The following ITGAM variants were observed in gnomAD, a reference collection of about 807,000 sequenced individuals.
The protein encoded by ITGAM is integrin subunit alpha M.
In ITGAM, 79 loss-of-function variants were observed where a neutral mutation model predicts 137.5. The ratio of observed to expected loss-of-function variants is 0.57; its 90% CI spans 0.48 to 0.69. The LOEUF is 0.69. Among genes scored for constraint, ITGAM ranks in the 30% least tolerant of loss-of-function variants. The pLI is 0.00. For synonymous variants in ITGAM, 583 were observed against 592.3 expected (o/e 0.98, Z 0.23); for missense variants, 1,343 against 1,483.5 (o/e 0.91, Z 1.56).
At chr16:31,312,988 G>C (rs2080351612) in intron 14 of ITGAM, among the ~76,000 whole-genome samples, 1 of 151,908 alleles carries the variant, frequency 6.6e-6, no homozygotes, top group South Asian at 2.1e-4. Flanking sequence ...GGGAGGCCGA[G>C]GCGGGCGGAT....
Position 31,275,637 on chromosome 16 carries a change from A to T in ITGAM, c.947A>T (p.Asn316Ile). 2 of 1,613,910 alleles carry T rather than the reference A, an allele frequency of 1.2e-6. No homozygotes were observed. The highest frequency in any genetic ancestry group is 4.5e-5 in the East Asian group (2 of 44,864). The change falls in exon 9 of 30, where the codon AAT (asparagine) becomes ATT (isoleucine). Residue 316 changes from asparagine to isoleucine, a missense_variant. Physicochemically the swap from Asn to Ile is moderately radical, Grantham distance 149. Transcript: ENST00000544665. ...CCTCGTGATCACGTGTTCCAGGTGA[A>T]TAACTTTGAGGCTCTGAAGACCATT... ...KPPRDHVFQV[N>I]NFEALKTIQN...
chr16:31,321,408 C>A, intron 15 of ITGAM, 37 bp downstream of exon 15: 1 of 1,613,686 alleles, frequency 6.2e-7, no homozygotes, highest in Non-Finnish European at 8.5e-7. Flanking sequence ...GACATTCTCC[C>A]TTGAAGGAAT....
At position 31,321,584 on chromosome 16, in the gene ITGAM, C is replaced by T; in HGVS notation, c.1959C>T (p.Val653=). ...GCAAGGAAGCCGGAGAGGTCAGAGT[C>T]TGCCTCCATGTCCAGAAGAGCACAC... ...VKGKEAGEVR[V]CLHVQKSTRD... Residue 653 remains valine, a synonymous_variant, in exon 16 of 30, where the codon GTC becomes GTT. Coordinates refer to ENST00000544665, the MANE Select transcript of ITGAM (RefSeq NM_000632.4). 1.9e-6 allele frequency: 3 copies of T among 1,613,978 alleles called. No homozygotes were observed. In the South Asian group the frequency reaches 3.3e-5, roughly 18 times the overall value.
chr16:31,290,347 G>T (rs1239376346), intron 12 of ITGAM, among the ~76,000 whole-genome samples: 1 of 152,106 alleles, frequency 6.6e-6, no homozygotes, highest in Non-Finnish European at 1.5e-5. Flanking sequence ...ACAACATTGT[G>T]AAGGTACTAA....
chr16:31,272,445 A>T (rs1301809085), intron 7 of ITGAM, among the ~76,000 whole-genome samples: 2 of 11,790 alleles, frequency 1.7e-4, no homozygotes, highest in Admixed American at 1.5e-3. Flanking sequence ...ATATATATAT[A>T]TATATATATA....
intron 14 of ITGAM, among the ~76,000 whole-genome samples, chr16:31,302,917 CCTCTTTCTTTCTTTCTTTCT>C: frequency 1.6e-5 from 2 of 126,548 alleles, no homozygotes; most frequent in African/African-American, 5.9e-5. Context: ...TCTTTCCCTC[CCTCTTTCTTTCTTTCTTTCT>C]TTCTTTCTTT....
intron 14 of ITGAM, 116 bp from the exon 15 acceptor site, chr16:31,321,125 G>T (rs991966627): frequency 1.7e-6 from 2 of 1,162,574 alleles, no homozygotes; most frequent in Non-Finnish European, 2.5e-6. Flanking sequence ...AGTTGCAAGA[G>T]ATGAGACTTG....
intron 14 of ITGAM, among the ~76,000 whole-genome samples, chr16:31,318,194 T>A (rs1241299377): frequency 6.6e-6 from 1 of 152,214 alleles, no homozygotes; most frequent in Admixed American, 6.5e-5. Flanking sequence ...GTTATCAAGT[T>A]TGTTAACATA....
At chr16:31,269,878 T>A (rs2079809370) in intron 5 of ITGAM, among the ~76,000 whole-genome samples, 1 of 152,128 alleles carries the variant, frequency 6.6e-6, no homozygotes. Context: ...CCTCTAGTCT[T>A]CTGTTGAGCC....
rs749690208 is a variant in ITGAM at position 31,265,402 on chromosome 16, G to A, written c.142G>A (p.Val48Ile). 7.5e-6 allele frequency: 12 copies of A among 1,598,006 alleles called. No homozygotes were observed. In the South Asian group the frequency reaches 1.4e-4, roughly 18 times the overall value. The change falls in exon 3 of 30, where the codon GTT becomes ATT. Residue 48 changes from valine to isoleucine, a missense_variant. Transcript: ENST00000544665. ...TCCCACTTCTCCCCACAGGGTGGTG[G>A]TTGGAGCCCCCCAGGAGATAGTGGC... ...VVQLQGSRVV[V>I]GAPQEIVAAN...
chr16:31,305,186 A>C (rs988193196), intron 14 of ITGAM, among the ~76,000 whole-genome samples: 1 of 152,066 alleles, frequency 6.6e-6, no homozygotes, highest in African/African-American at 2.4e-5. Context: ...TTGGTTAACT[A>C]TATTCCTAGG....
At chr16:31,289,747 A>T (rs1028873140) in intron 12 of ITGAM, among the ~76,000 whole-genome samples, 1 of 152,184 alleles carries the variant, frequency 6.6e-6, no homozygotes, top group African/African-American at 2.4e-5. Context: ...CTAGAACTTA[A>T]AGTATAATAA....
intron 12 of ITGAM, among the ~76,000 whole-genome samples, chr16:31,282,897 C>G (rs1019641640): frequency 6.6e-6 from 1 of 152,156 alleles, no homozygotes; most frequent in African/African-American, 2.4e-5. Flanking sequence ...TTCAGGAGCT[C>G]TTTTAGGGCA....
At position 31,297,660 on chromosome 16, in the gene ITGAM, T is replaced by C. The variant is rs1457321851; in HGVS notation, c.1497+6T>C. 6.2e-7 allele frequency: 1 copy of C among 1,610,892 alleles called. No homozygotes were observed. The highest frequency in any genetic ancestry group is 2.2e-5 in the East Asian group (1 of 44,776). On this transcript the variant is annotated splice_donor_region_variant and intron_variant, in intron 13 of 29. Coordinates refer to ENST00000544665, the MANE Select transcript of ITGAM (RefSeq NM_000632.4). ...TGTGCCCCTTGCCCAGGGGGGTGAG[T>C]GGCAATGGGACCTGGGCTGGGTGGG...
rs769119316 is a variant in ITGAM at position 31,277,069 on chromosome 16, G to C, written c.1213+20G>C. Reference sequence around the variant, plus strand: ...ACTTGGGTAAGTGGGGAGGGCAAGGGTTACTCTAAGAAGGGGTGAGGATTT... The same window carrying C: ...ACTTGGGTAAGTGGGGAGGGCAAGGCTTACTCTAAGAAGGGGTGAGGATTT... On this transcript the variant is annotated intron_variant, in intron 11 of 29. Coordinates refer to ENST00000544665, the MANE Select transcript of ITGAM (RefSeq NM_000632.4). 26 of 1,597,696 alleles carry C rather than the reference G, an allele frequency of 1.6e-5. No individual in the cohort carries two copies. In the South Asian group the frequency reaches 2.9e-4, roughly 18 times the overall value.
chr16:31,321,980 A>T (rs2080455815), intron 16 of ITGAM, among the ~76,000 whole-genome samples: 1 of 152,242 alleles, frequency 6.6e-6, no homozygotes, highest in Non-Finnish European at 1.5e-5. Context: ...AAGCACTCAC[A>T]TACGCATTTT....
At position 31,321,349 on chromosome 16, in the gene ITGAM, C is replaced by T; in HGVS notation, c.1816C>T (p.Gln606Ter). Residue 606 changes from glutamine (Q) to a stop codon, truncating the protein, a stop_gained, in exon 15 of 30, where the codon CAG becomes TAG. Coordinates refer to ENST00000544665, the MANE Select transcript of ITGAM (RefSeq NM_000632.4). LOFTEE classifies it high-confidence loss of function. ...DGLVDLTVGA[Q>*]GHVLLLRSQP... is the part of the protein sequence containing the mutation. Reference sequence around the variant, plus strand: ...ACTGGTAGACCTGACTGTAGGAGCCCAGGGGCACGTGCTGCTGCTCAGGTG... The same window carrying T: ...ACTGGTAGACCTGACTGTAGGAGCCTAGGGGCACGTGCTGCTGCTCAGGTG... The T allele has an allele frequency of 6.2e-7, 1 of 1,614,018 alleles. No homozygotes were observed. The highest frequency in any genetic ancestry group is 8.5e-7 in the Non-Finnish European group (1 of 1,179,912).
At chr16:31,306,414 T>G (rs2080265359) in intron 14 of ITGAM, among the ~76,000 whole-genome samples, 1 of 152,100 alleles carries the variant, frequency 6.6e-6, no homozygotes, top group Admixed American at 6.6e-5. Context: ...TATTTGAAGC[T>G]AATATAGAAA....
At chr16:31,317,240 A>G (rs576472355) in intron 14 of ITGAM, among the ~76,000 whole-genome samples, 7 of 152,066 alleles carry the variant, frequency 4.6e-5, no homozygotes, top group Admixed American at 3.9e-4. Context: ...ACTTTTTTTA[A>G]TGTTCTTTAT....
Sources: allele counts gnomAD v4.1 joint callset (sites outside exome capture counted in the v4.1 genomes callset), GRCh38; gene constraint gnomAD v4.1.1; transcripts MANE v1.5; gene names NCBI Gene and HGNC (gene_info 2026-07-23, HGNC 2026-07-21).